DACH1: variants seen among roughly 807,000 people sequenced by gnomAD.
DACH1 encodes dachshund family transcription factor 1.
Under a neutral mutation model 54.2 loss-of-function variants are expected in DACH1, and 12 were observed. The observed-to-expected ratio is 0.22, with a 90% CI of 0.14 to 0.36. The LOEUF is 0.36. Among genes scored for constraint, DACH1 ranks in the 10% least tolerant of loss-of-function variants. The pLI is 1.00. For synonymous variants in DACH1, 386 were observed against 366.2 expected (o/e 1.05, Z -0.62); for missense variants, 805 against 929.8 (o/e 0.87, Z 1.75).
At chr13:71,852,698 A>C (rs1873753025) in intron 1 of DACH1, among the ~76,000 whole-genome samples, 3 of 152,176 alleles carry the variant, frequency 2.0e-5, no homozygotes, top group African/African-American at 7.2e-5. Flanking sequence ...GCTAAAGTTC[A>C]ATTTGTTTTG....
chr13:71,452,117 T>C (rs1380456234), intron 10 of DACH1, among the ~76,000 whole-genome samples: 1 of 148,316 alleles, frequency 6.7e-6, no homozygotes, highest in Non-Finnish European at 1.5e-5. Context: ...TGTTTTGTTG[T>C]TTTTTTGTAT....
At chr13:71,562,151 A>G (rs1884623731) in intron 4 of DACH1, among the ~76,000 whole-genome samples, 1 of 152,176 alleles carries the variant, frequency 6.6e-6, no homozygotes, top group South Asian at 2.1e-4. Context: ...GTAAAAGACA[A>G]TAAACTCCCA....
chr13:71,700,584 AAGAGAGAG>A lies in DACH1; in HGVS notation c.849-18682_849-18675del, dbSNP rs67368718. ...CCATCTCAAAAAAAAAAAAAAAAAAAAGAGAGAGAGAGAGAGAGAGAGCAAGCTTAGTT... is the reference window on the plus strand; with the variant it reads ...CCATCTCAAAAAAAAAAAAAAAAAAAAGAGAGAGAGAGAGCAAGCTTAGTT... On this transcript the variant is annotated intron_variant, in intron 1 of 10. Transcript: ENST00000613252. 2.3e-3 allele frequency among the ~76,000 whole-genome samples: 251 copies of A among 109,728 alleles called. 1 individual carries two copies. Among genetic ancestry groups the A allele is most frequent in the South Asian group, 0.01 (37 of 3,646 alleles). 72.0% of individuals were successfully genotyped at this position (109,728 alleles called of 152,430 possible). A position where few individuals can be genotyped will look rare whatever the true frequency, so the allele number is the denominator to read the frequency against.
chr13:71,535,592 AT>A (rs559108560), intron 6 of DACH1, among the ~76,000 whole-genome samples: 209 of 151,856 alleles, frequency 1.4e-3, no homozygotes, highest in East Asian at 5.6e-3. Flanking sequence ...AGTCAGGCGC[AT>A]TTTTTTCCCC....
chr13:71,500,160 C>T (rs909839401), intron 6 of DACH1, among the ~76,000 whole-genome samples: 1 of 152,112 alleles, frequency 6.6e-6, no homozygotes, highest in African/African-American at 2.4e-5. Flanking sequence ...GTGACCTTGG[C>T]CAATTTACTT....
At chr13:71,716,213 C>T (rs1882958569) in intron 1 of DACH1, among the ~76,000 whole-genome samples, 1 of 152,024 alleles carries the variant, frequency 6.6e-6, no homozygotes, top group African/African-American at 2.4e-5. Flanking sequence ...CATCTTCCAA[C>T]TCACTCTCTT....
chr13:71,773,066 T>C (rs907220656), intron 1 of DACH1, among the ~76,000 whole-genome samples: 5 of 151,816 alleles, frequency 3.3e-5, no homozygotes, highest in Admixed American at 3.3e-4. Context: ...TTATCCCTAA[T>C]TCTATTATTT....
At chr13:71,562,913 C>T (rs532898481) in intron 4 of DACH1, among the ~76,000 whole-genome samples, 68 of 151,996 alleles carry the variant, frequency 4.5e-4, no homozygotes, top group Non-Finnish European at 8.2e-4. Flanking sequence ...GGAGTATTTG[C>T]GCACTTATCA....
At chr13:71,667,938 T>A (rs1879951128) in intron 2 of DACH1, among the ~76,000 whole-genome samples, 1 of 152,082 alleles carries the variant, frequency 6.6e-6, no homozygotes, top group Non-Finnish European at 1.5e-5. Context: ...CATAATTTAA[T>A]TCCCTAAAAG....
Position 71,866,871 on chromosome 13 carries a change from G to C in DACH1, c.-102C>G. ...AAAAAGGGGGGAGAAGGAGCGAGGGGGGCAACAACAACTCCGGGAGAGAAC... is the reference window on the plus strand; with the variant it reads ...AAAAAGGGGGGAGAAGGAGCGAGGGCGGCAACAACAACTCCGGGAGAGAAC... On this transcript the variant is annotated 5_prime_UTR_variant, in exon 1 of 11. Transcript: ENST00000613252. The C allele has an allele frequency of 2.5e-6, 2 of 806,986 alleles. No individual in the cohort carries two copies. The highest frequency in any genetic ancestry group is 6.1e-5 in the East Asian group (1 of 16,420). 50.0% of individuals were successfully genotyped at this position (806,986 alleles called of 1,614,324 possible).
At chr13:71,811,007 TA>T in intron 1 of DACH1, among the ~76,000 whole-genome samples, 1 of 152,242 alleles carries the variant, frequency 6.6e-6, no homozygotes, top group East Asian at 1.9e-4. Context: ...TTTTTTTCAA[TA>T]ATATCCTGTG....
chr13:71,468,503 A>G (rs1876793204), intron 10 of DACH1, among the ~76,000 whole-genome samples: 1 of 152,214 alleles, frequency 6.6e-6, no homozygotes. Flanking sequence ...GTCATATTAG[A>G]AATTGAAATG....
intron 7 of DACH1, among the ~76,000 whole-genome samples, chr13:71,482,233 G>GT (rs201848878): frequency 2.4e-4 from 35 of 148,628 alleles, no homozygotes; most frequent in South Asian, 1.9e-3. Context: ...TAGAGATTGA[G>GT]TTTTTTTTTT....
Position 71,559,807 on chromosome 13 carries a change from G to A in DACH1, c.1435+13C>T, listed in dbSNP as rs1237278756. 6.2e-7 allele frequency: 1 copy of A among 1,613,538 alleles called. No individual in the cohort carries two copies. Among genetic ancestry groups the A allele is most frequent in the Non-Finnish European group, 8.5e-7 (1 of 1,179,870 alleles). ...AAGTTTAAAATGGTGACAAGTAGAA[G>A]TATGAGACCTACGGATTCTGTCAGA... On this transcript the variant is annotated intron_variant, in intron 5 of 10. Coordinates refer to ENST00000613252, the MANE Select transcript of DACH1 (RefSeq NM_080759.6).
rs1476826546 is a variant in DACH1, at chr13:71,441,237, C to T, written c.2084-545G>A. The stretch of plus-strand genomic sequence containing the variant: ...AGCCTTTACCCCTTGAAGTGAGATT[C>T]ATCCAACAATTAAATATTAAAATGT... On this transcript the variant is annotated intron_variant, in intron 10 of 10. Coordinates refer to ENST00000613252, the MANE Select transcript of DACH1 (RefSeq NM_080759.6). Among the ~76,000 whole-genome samples the T allele has an allele frequency of 4.6e-5, 7 of 152,124 alleles. No individual in the cohort carries two copies. In the East Asian group the frequency reaches 1.3e-3, roughly 29 times the overall value.
chr13:71,812,399 A>G (rs1190068026), intron 1 of DACH1, among the ~76,000 whole-genome samples: 1 of 152,190 alleles, frequency 6.6e-6, no homozygotes, highest in Non-Finnish European at 1.5e-5. Flanking sequence ...CTACTCTTAA[A>G]AGAATTATAT....
At chr13:71,812,837 C>G (rs961540423) in intron 1 of DACH1, among the ~76,000 whole-genome samples, 1 of 152,146 alleles carries the variant, frequency 6.6e-6, no homozygotes, top group Non-Finnish European at 1.5e-5. Flanking sequence ...ATATCTACAT[C>G]TCCTAAACTG....
intron 1 of DACH1, among the ~76,000 whole-genome samples, chr13:71,743,172 A>T (rs1461482088): frequency 6.6e-6 from 1 of 152,174 alleles, no homozygotes; most frequent in Admixed American, 6.5e-5. Context: ...AATTATTGGC[A>T]AACTTGTCAT....
intron 1 of DACH1, among the ~76,000 whole-genome samples, chr13:71,714,101 G>C (rs1882862088): frequency 6.6e-6 from 1 of 151,880 alleles, no homozygotes; most frequent in Admixed American, 6.6e-5. Flanking sequence ...TGCATAAATA[G>C]ATGCTCAGCT....
Sources: allele counts gnomAD v4.1 joint callset (sites outside exome capture counted in the v4.1 genomes callset), GRCh38; gene constraint gnomAD v4.1.1; transcripts MANE v1.5; gene names NCBI Gene and HGNC (gene_info 2026-07-23, HGNC 2026-07-21).